The following TMCO5A variants were observed in gnomAD, a reference collection of about 807,000 sequenced individuals.
TMCO5A encodes transmembrane and coiled-coil domains 5A, also known as transmembrane and coiled-coil domain-containing protein 5A.
TMCO5A carries 34 observed loss-of-function variants against 42.3 expected under a neutral mutation model. That is an observed-to-expected ratio of 0.80 (90% CI 0.61 to 1.07). The LOEUF is 1.07. Among genes scored for constraint, TMCO5A ranks in the 50% least tolerant of loss-of-function variants. TMCO5A has a pLI of 0.00. For missense variants in TMCO5A, 357 were observed against 327.9 expected, an observed-to-expected ratio of 1.09 and a Z score of -0.69; for synonymous variants, 131 against 115.6, an observed-to-expected ratio of 1.13 and a Z score of -0.86.
the TMCO5A span, among the ~76,000 whole-genome samples, chr15:37,979,209 C>G: frequency 6.6e-6 from 1 of 152,090 alleles, no homozygotes; most frequent in Non-Finnish European, 1.5e-5. Context: ...AGTCTTGTTG[C>G]TTTTCCGTAA....
chr15:38,008,056 T>A, the TMCO5A span, among the ~76,000 whole-genome samples: 5 of 151,736 alleles, frequency 3.3e-5, no homozygotes, highest in African/African-American at 1.2e-4. Flanking sequence ...CCACCACGCC[T>A]GGCTAATTTT....
At chr15:38,025,434 A>G in the TMCO5A span, among the ~76,000 whole-genome samples, 1 of 151,986 alleles carries the variant, frequency 6.6e-6, no homozygotes, top group South Asian at 2.1e-4. Context: ...TTAAATTCAT[A>G]GTCTGCCTTC....
At chr15:38,029,410 G>A in the TMCO5A span, among the ~76,000 whole-genome samples, 6 of 147,970 alleles carry the variant, frequency 4.1e-5, no homozygotes, top group Non-Finnish European at 7.4e-5. Flanking sequence ...CACACACTGT[G>A]TTTGACTGCT....
At chr15:38,024,740 T>A in the TMCO5A span, 1 of 152,260 alleles carries the variant, frequency 6.6e-6, no homozygotes, top group South Asian at 2.1e-4. Context: ...TAGAGAGACC[T>A]AAGAATGAAG....
the TMCO5A span, among the ~76,000 whole-genome samples, chr15:38,006,599 A>G: frequency 6.6e-6 from 1 of 152,330 alleles, no homozygotes; most frequent in East Asian, 1.9e-4. Context: ...CATTTTACAA[A>G]TAAGGAAGTT....
chr15:38,001,443 T>G, the TMCO5A span, among the ~76,000 whole-genome samples: 1 of 151,856 alleles, frequency 6.6e-6, no homozygotes, highest in Admixed American at 6.5e-5. Flanking sequence ...CTTGTTTTTT[T>G]TTTTTTTTTA....
At chr15:37,952,354 T>C (rs1890180620), downstream of TMCO5A, among the ~76,000 whole-genome samples, 1 of 151,946 alleles carries the variant, frequency 6.6e-6, no homozygotes, top group Admixed American at 6.6e-5. Context: ...TTGGGAAGAC[T>C]TTGTCTTGCA....
Position 37,947,714 on chromosome 15 carries a change from A to C in TMCO5A, c.668+18A>C. Reference sequence around the variant, plus strand: ...AGTAAAAAGTAAGTAAAATATCTTCAGGTAAACTTCCTATAAAATTGGGAG... The same window carrying C: ...AGTAAAAAGTAAGTAAAATATCTTCCGGTAAACTTCCTATAAAATTGGGAG... On this transcript the variant is annotated intron_variant, in intron 11 of 11. Transcript: ENST00000319669. 2.6e-6 allele frequency: 4 copies of C among 1,560,136 alleles called. No homozygotes were observed. The highest frequency in any genetic ancestry group is 3.5e-6 in the Non-Finnish European group (4 of 1,136,454).
intron 10 of TMCO5A, among the ~76,000 whole-genome samples, chr15:37,946,327 G>C (rs1236472915): frequency 6.6e-6 from 1 of 151,960 alleles, no homozygotes; most frequent in East Asian, 1.9e-4. Context: ...TTTTGCTTAG[G>C]GTTGTCTTGG....
the TMCO5A span, among the ~76,000 whole-genome samples, chr15:37,980,262 G>C: frequency 6.6e-6 from 1 of 152,164 alleles, no homozygotes; most frequent in Non-Finnish European, 1.5e-5. Flanking sequence ...TCCCAGGGAG[G>C]TGTGAAGGAG....
At chr15:38,021,515 T>C in the TMCO5A span, among the ~76,000 whole-genome samples, 5,533 of 152,112 alleles carry the variant, frequency 0.036, 131 homozygotes, top group Middle Eastern at 0.088. Flanking sequence ...CATAATCTAT[T>C]ATTGGACTTG....
intron 11 of TMCO5A, among the ~76,000 whole-genome samples, chr15:37,959,761 C>G (rs1313770383): frequency 1.3e-5 from 2 of 151,960 alleles, no homozygotes; most frequent in African/African-American, 4.8e-5. Flanking sequence ...AAAGCCTTTC[C>G]TCTAATATCT....
chr15:37,964,903 A>T (rs1041135944), intron 11 of TMCO5A, among the ~76,000 whole-genome samples: 2 of 152,098 alleles, frequency 1.3e-5, no homozygotes, highest in South Asian at 2.1e-4. Context: ...ACATAAATTT[A>T]AAAAAACTAT....
chr15:38,009,976 A>G, the TMCO5A span, among the ~76,000 whole-genome samples: 1 of 152,168 alleles, frequency 6.6e-6, no homozygotes, highest in African/African-American at 2.4e-5. Flanking sequence ...CTTATATAGA[A>G]CAAGCACCTC....
the TMCO5A span, among the ~76,000 whole-genome samples, chr15:37,981,200 C>CAAAA: frequency 3.4e-3 from 218 of 64,542 alleles, no homozygotes; most frequent in East Asian, 5.3e-3. Context: ...AGAAAGCCAG[C>CAAAA]AAAAAAAAAA....
the TMCO5A span, among the ~76,000 whole-genome samples, chr15:38,013,759 T>C: frequency 1.3e-3 from 200 of 152,324 alleles, no homozygotes; most frequent in African/African-American, 4.6e-3. Flanking sequence ...ACTAAGATAA[T>C]CTGGATTCAA....
the TMCO5A span, among the ~76,000 whole-genome samples, chr15:37,979,352 G>T: frequency 6.6e-6 from 1 of 152,030 alleles, no homozygotes; most frequent in Non-Finnish European, 1.5e-5. Flanking sequence ...ATTGCTGGGA[G>T]TTCTGTCCGA....
At chr15:37,996,987 G>T in the TMCO5A span, among the ~76,000 whole-genome samples, 1 of 152,164 alleles carries the variant, frequency 6.6e-6, no homozygotes, top group Admixed American at 6.5e-5. Flanking sequence ...AGGAAGAAAC[G>T]ACTGAAGGAA....
the TMCO5A span, among the ~76,000 whole-genome samples, chr15:38,025,550 C>A: frequency 3.9e-5 from 6 of 152,006 alleles, no homozygotes; most frequent in Admixed American, 3.3e-4. Flanking sequence ...ATCATCCTGG[C>A]AACAGTTTAA....
Sources: allele counts gnomAD v4.1 joint callset (sites outside exome capture counted in the v4.1 genomes callset), GRCh38; gene constraint gnomAD v4.1.1; transcripts MANE v1.5; gene names NCBI Gene and HGNC (gene_info 2026-07-23, HGNC 2026-07-21).